CNTNAP5: variants seen among roughly 807,000 people sequenced by gnomAD.
The protein encoded by CNTNAP5 is contactin associated protein family member 5.
A neutral mutation model predicts 150.2 loss-of-function variants in CNTNAP5; 72 were observed. The ratio of observed to expected loss-of-function variants is 0.48; its 90% CI spans 0.40 to 0.58. CNTNAP5 has a LOEUF of 0.58. Among genes scored for constraint, CNTNAP5 ranks in the 20% least tolerant of loss-of-function variants. The pLI is 0.00. For missense variants in CNTNAP5, 1,636 were observed against 1,626.2 expected, an observed-to-expected ratio of 1.01 and a Z score of -0.10; for synonymous variants, 672 against 619.8, an observed-to-expected ratio of 1.08 and a Z score of -1.25.
At chr2:124,587,051 G>A (rs1350335465) in intron 11 of CNTNAP5, among the ~76,000 whole-genome samples, 2 of 152,102 alleles carry the variant, frequency 1.3e-5, no homozygotes, top group African/African-American at 2.4e-5. Flanking sequence ...TAAAAATGAA[G>A]CTCAACCCTG....
rs3980963 is a variant in CNTNAP5, at chr2:124,541,179, A to ATTTTTTTTTTTTTTTTTTTTTTTTTT, written c.1649+13740_1649+13741insTTTTTTTTTTTTTTTTTTTTTTTTTT. ...AGAGGATAAGAAGTACAAAATTCCG[A>ATTTTTTTTTTTTTTTTTTTTTTTTTT]TTTTTTTTTTTTTTTTTGGTGAGAA... On this transcript the variant is annotated intron_variant, in intron 10 of 23. Transcript: ENST00000682447. Among the ~76,000 whole-genome samples the ATTTTTTTTTTTTTTTTTTTTTTTTTT allele has an allele frequency of 2.9e-3, 244 of 83,000 alleles. 31 individuals are homozygous for ATTTTTTTTTTTTTTTTTTTTTTTTTT. The highest frequency in any genetic ancestry group is 4.6e-3 in the Non-Finnish European group (202 of 43,642). The allele number at this position is 83,000 out of a possible 152,430, so 54.5% of individuals were successfully genotyped here.
At chr2:124,587,888 C>A (rs920201140) in intron 11 of CNTNAP5, among the ~76,000 whole-genome samples, 1 of 151,936 alleles carries the variant, frequency 6.6e-6, no homozygotes, top group Non-Finnish European at 1.5e-5. Flanking sequence ...CTAGGAAAAA[C>A]AAAAGAGGAG....
In CNTNAP5 at chr2:124,469,597, G is replaced by A. The variant is rs1024855272; in HGVS notation, c.919-5142G>A. Among the ~76,000 whole-genome samples, 9 of 146,910 alleles carry A rather than the reference G, an allele frequency of 6.1e-5. No individual in the cohort carries two copies. The Admixed American group carries it at 6.2e-4, about 10-fold the overall frequency. On this transcript the variant is annotated intron_variant, in intron 6 of 23. Transcript: ENST00000682447. ...TTTTAAATTTTATGTTAAGTTCAGG[G>A]GTAAATGTGCAGGATGTGCAGGTTT...
At chr2:124,155,792 T>C (rs1362250774) in intron 1 of CNTNAP5, among the ~76,000 whole-genome samples, 1 of 152,188 alleles carries the variant, frequency 6.6e-6, no homozygotes, top group Non-Finnish European at 1.5e-5. Context: ...ATTCATGGCC[T>C]GAAAAACAAA....
At chr2:124,561,827 T>C (rs908699975) in intron 10 of CNTNAP5, among the ~76,000 whole-genome samples, 1 of 152,202 alleles carries the variant, frequency 6.6e-6, no homozygotes, top group Non-Finnish European at 1.5e-5. Context: ...TACTTTTGCT[T>C]GCCTCAGATT....
chr2:124,172,546 G>A (rs1464357382), intron 1 of CNTNAP5, among the ~76,000 whole-genome samples: 1 of 152,124 alleles, frequency 6.6e-6, no homozygotes, highest in Non-Finnish European at 1.5e-5. Flanking sequence ...CCCAGTAGCT[G>A]GGTCTGCAGG....
chr2:124,755,629 T>C (rs1680822405), intron 14 of CNTNAP5, among the ~76,000 whole-genome samples: 1 of 152,188 alleles, frequency 6.6e-6, no homozygotes, highest in Non-Finnish European at 1.5e-5. Context: ...CCGTGGTCCA[T>C]GGCAATGCTC....
intron 6 of CNTNAP5, among the ~76,000 whole-genome samples, chr2:124,472,409 T>C (rs574474187): frequency 6.6e-6 from 1 of 152,082 alleles, no homozygotes; most frequent in South Asian, 2.1e-4. Flanking sequence ...GATGGTATTG[T>C]TGTTGATGTT....
chr2:124,027,504 C>A (rs189498987), intron 1 of CNTNAP5, among the ~76,000 whole-genome samples: 5 of 152,172 alleles, frequency 3.3e-5, no homozygotes, highest in African/African-American at 1.2e-4. Context: ...AATGCAACAC[C>A]TTTTCTTAAG....
At chr2:124,895,761 G>A (rs1573695129) in intron 21 of CNTNAP5, among the ~76,000 whole-genome samples, 1 of 151,730 alleles carries the variant, frequency 6.6e-6, no homozygotes, top group East Asian at 1.9e-4. Context: ...TGAAGTTAGT[G>A]GAAGAATCAG....
Position 124,419,956 on chromosome 2 carries a change from CCT to C in CNTNAP5, c.529+2367_529+2368del, listed in dbSNP as rs1357956899. 5.7e-3 allele frequency among the ~76,000 whole-genome samples: 479 copies of C among 83,906 alleles called. 14 individuals are homozygous for C. The highest frequency in any genetic ancestry group is 0.011 in the African/African-American group (215 of 20,184). The allele number at this position is 83,906 out of a possible 152,430, so 55.0% of individuals were successfully genotyped here. A position where few individuals can be genotyped will look rare whatever the true frequency, so the allele number is the denominator to read the frequency against. ...TCTTTCTTTCTTTCTTTCTTTCTTT[CCT>C]TTTCTCTCTCTCTCTTTCTTTCTTT... On this transcript the variant is annotated intron_variant, in intron 4 of 23. Transcript: ENST00000682447.
At chr2:124,843,801 T>C (rs1218878245) in intron 19 of CNTNAP5, among the ~76,000 whole-genome samples, 1 of 152,170 alleles carries the variant, frequency 6.6e-6, no homozygotes, top group East Asian at 1.9e-4. Flanking sequence ...TATTTGTATA[T>C]TTTCTTTTGA....
chr2:124,755,323 T>C (rs981134875), intron 14 of CNTNAP5, among the ~76,000 whole-genome samples: 2 of 152,158 alleles, frequency 1.3e-5, no homozygotes, highest in African/African-American at 4.8e-5. Flanking sequence ...AATTGCAAAA[T>C]TGTATCAGAA....
chr2:124,419,970 C>A (rs62172568), intron 4 of CNTNAP5, among the ~76,000 whole-genome samples: 1 of 62,524 alleles, frequency 1.6e-5, no homozygotes, highest in Non-Finnish European at 2.9e-5. Context: ...TTCTCTCTCT[C>A]TCTTTCTTTC....
At chr2:124,360,999 T>A (rs1486001213) in intron 3 of CNTNAP5, among the ~76,000 whole-genome samples, 1 of 129,476 alleles carries the variant, frequency 7.7e-6, no homozygotes, top group African/African-American at 3.0e-5. Flanking sequence ...TTGGAGGCTT[T>A]GCTCATTTCT....
chr2:124,626,124 T>C (rs2105002921), intron 12 of CNTNAP5, among the ~76,000 whole-genome samples: 1 of 152,210 alleles, frequency 6.6e-6, no homozygotes, highest in South Asian at 2.1e-4. Flanking sequence ...GCCAACATCA[T>C]AGAATGATCT....
chr2:124,130,803 A>T (rs751533588), intron 1 of CNTNAP5, among the ~76,000 whole-genome samples: 73 of 152,188 alleles, frequency 4.8e-4, no homozygotes, highest in Non-Finnish European at 1.0e-4. Context: ...GTCATAGAGA[A>T]TCTTCTCCTT....
chr2:124,324,925 G>C (rs1246132612), intron 3 of CNTNAP5, among the ~76,000 whole-genome samples: 1 of 152,122 alleles, frequency 6.6e-6, no homozygotes, highest in Admixed American at 6.6e-5. Context: ...ATAAGCACAC[G>C]GTTTGTGAAA....
intron 3 of CNTNAP5, among the ~76,000 whole-genome samples, chr2:124,318,371 T>C (rs753713303): frequency 2.6e-5 from 4 of 152,226 alleles, no homozygotes; most frequent in Non-Finnish European, 4.4e-5. Context: ...TAACCACTCA[T>C]TTTTATAAGG....
Sources: allele counts gnomAD v4.1 joint callset (sites outside exome capture counted in the v4.1 genomes callset), GRCh38; gene constraint gnomAD v4.1.1; transcripts MANE v1.5; gene names NCBI Gene and HGNC (gene_info 2026-07-23, HGNC 2026-07-21).